Variants in FRMD4A observed in about 807,000 individuals in gnomAD.
FRMD4A encodes the protein FERM domain containing 4A.
In FRMD4A, 29 loss-of-function variants were observed where a neutral mutation model predicts 129.1. The observed-to-expected ratio is 0.22, with a 90% confidence interval of 0.17 to 0.31. The LOEUF (loss-of-function observed/expected upper bound fraction) is 0.31, where lower values mean the gene tolerates loss of function less well. FRMD4A is among the 10% of genes least tolerant of loss of function. FRMD4A has a pLI of 1.00. For synonymous variants in FRMD4A, 634 were observed against 571.6 expected (o/e 1.11, Z -1.56); for missense variants, 1,272 against 1,375.8 (o/e 0.92, Z 1.19).
At chr10:14,325,108 C>T (rs889328095) in intron 2 of FRMD4A, among the ~76,000 whole-genome samples, 9 of 152,194 alleles carry the variant, frequency 5.9e-5, no homozygotes, top group East Asian at 1.9e-4. Context: ...CATCTGCAAA[C>T]GCACTTTGAA....
intron 2 of FRMD4A, among the ~76,000 whole-genome samples, chr10:14,077,066 G>A (rs896604422): frequency 6.6e-6 from 1 of 152,150 alleles, no homozygotes; most frequent in Non-Finnish European, 1.5e-5. Context: ...GGCCAAGGAG[G>A]ACTTTGCGTT....
chr10:13,788,710 T>C (rs1420802738), intron 5 of FRMD4A, among the ~76,000 whole-genome samples: 1 of 152,248 alleles, frequency 6.6e-6, no homozygotes, highest in East Asian at 1.9e-4. Flanking sequence ...CTAGCTCAGA[T>C]GATCCCGACC....
intron 12 of FRMD4A, among the ~76,000 whole-genome samples, chr10:13,724,738 G>A (rs181419561): frequency 6.6e-6 from 1 of 152,154 alleles, no homozygotes; most frequent in African/African-American, 2.4e-5. Flanking sequence ...ACCAAGTGTT[G>A]TGTTTGACCC....
At chr10:14,103,108 G>T (rs1470178818) in intron 2 of FRMD4A, among the ~76,000 whole-genome samples, 2 of 152,168 alleles carry the variant, frequency 1.3e-5, no homozygotes, top group African/African-American at 4.8e-5. Flanking sequence ...CATAACAGAA[G>T]CCTCTCCGTC....
At chr10:13,714,749 C>T (rs967668906) in intron 12 of FRMD4A, among the ~76,000 whole-genome samples, 3 of 152,224 alleles carry the variant, frequency 2.0e-5, no homozygotes, top group Admixed American at 6.5e-5. Flanking sequence ...ATAGAAGTGC[C>T]GCACTGCAGG....
chr10:13,652,018 TTACAGAGAGACACTG>T (rs1394130325), intron 23 of FRMD4A, 44 bp from the exon 24 acceptor site: 1 of 1,028,856 alleles, frequency 9.7e-7, no homozygotes, highest in Non-Finnish European at 1.6e-6. Context: ...AGAGGTCATG[TTACAGAGAGACACTG>T]ACACAGACAC....
intron 2 of FRMD4A, among the ~76,000 whole-genome samples, chr10:14,038,584 G>T (rs1326670548): frequency 6.6e-6 from 1 of 152,158 alleles, no homozygotes; most frequent in Non-Finnish European, 1.5e-5. Context: ...CACCTGATCA[G>T]ATGTCGACTG....
intron 2 of FRMD4A, among the ~76,000 whole-genome samples, chr10:14,120,014 T>C (rs936940102): frequency 1.5e-4 from 21 of 141,650 alleles, no homozygotes; most frequent in Middle Eastern, 3.3e-3. Context: ...TTTTTTTTTT[T>C]CCTGGGCAAC....
intron 2 of FRMD4A, among the ~76,000 whole-genome samples, chr10:14,323,988 C>G (rs1485120347): frequency 6.6e-6 from 1 of 152,154 alleles, no homozygotes; most frequent in Non-Finnish European, 1.5e-5. Context: ...GCCAGAGAAA[C>G]AGGGTTCAGA....
intron 12 of FRMD4A, among the ~76,000 whole-genome samples, chr10:13,728,476 T>C (rs1484927320): frequency 6.6e-6 from 1 of 151,766 alleles, no homozygotes; most frequent in Non-Finnish European, 1.5e-5. Flanking sequence ...CCCCCATGAA[T>C]ACTCATATGG....
chr10:14,185,889 C>T lies in FRMD4A; in HGVS notation c.45+144169G>A, dbSNP rs1433090790. Among the ~76,000 whole-genome samples, 3 of 152,116 alleles carry T rather than the reference C, an allele frequency of 2.0e-5. No individual in the cohort carries two copies. In the East Asian group the frequency reaches 5.8e-4, roughly 29 times the overall value. On this transcript the variant is annotated intron_variant, in intron 2 of 24. Transcript: ENST00000357447. ...TTAGAGTGAGATAAAGTGGTAACAG[C>T]AACAGGGCAGAGAGAGACTGGGCAG...
chr10:14,274,909 A>G (rs1405742515), intron 2 of FRMD4A, among the ~76,000 whole-genome samples: 1 of 152,288 alleles, frequency 6.6e-6, no homozygotes, highest in East Asian at 1.9e-4. Context: ...TCGGTTTGGC[A>G]TCTGAATTCT....
chr10:14,273,775 A>G (rs940125168), intron 2 of FRMD4A, among the ~76,000 whole-genome samples: 1 of 152,064 alleles, frequency 6.6e-6, no homozygotes. Context: ...GGAGAGGAGG[A>G]CTTTGGGTCC....
intron 2 of FRMD4A, among the ~76,000 whole-genome samples, chr10:14,117,930 G>A (rs1039954776): frequency 6.6e-6 from 1 of 152,116 alleles, no homozygotes; most frequent in African/African-American, 2.4e-5. Flanking sequence ...TCCCTAGAAA[G>A]TACCCTCGTG....
At chr10:14,129,559 G>A (rs1242881213) in intron 2 of FRMD4A, among the ~76,000 whole-genome samples, 1 of 151,814 alleles carries the variant, frequency 6.6e-6, no homozygotes, top group Non-Finnish European at 1.5e-5. Context: ...CCTCCAGGTG[G>A]CTCATCTGCT....
intron 13 of FRMD4A, among the ~76,000 whole-genome samples, chr10:13,703,107 C>A (rs1032378106): frequency 1.3e-5 from 2 of 151,530 alleles, no homozygotes; most frequent in Non-Finnish European, 2.9e-5. Context: ...ACTTTTTTTT[C>A]CCCCCAGAAA....
At chr10:13,913,627 A>G (rs1485802857) in intron 2 of FRMD4A, among the ~76,000 whole-genome samples, 2 of 152,074 alleles carry the variant, frequency 1.3e-5, no homozygotes, top group African/African-American at 4.8e-5. Flanking sequence ...TCATATGACA[A>G]ACATCTACTG....
chr10:14,008,592 C>T, intron 2 of FRMD4A: 7 of 787,674 alleles, frequency 8.9e-6, no homozygotes, highest in Non-Finnish European at 9.2e-6. Flanking sequence ...CATTCCATCA[C>T]GTGACTCCCA....
intron 6 of FRMD4A, among the ~76,000 whole-genome samples, chr10:13,765,181 C>A (rs1406666784): frequency 7.5e-6 from 1 of 132,976 alleles, no homozygotes; most frequent in African/African-American, 2.8e-5. Context: ...ATGGTGCGAT[C>A]TCGGCTCACT....
Sources: gnomAD v4.1 joint callset for allele counts (sites outside exome capture counted in the v4.1 genomes callset) on GRCh38, gnomAD v4.1.1 for gene constraint, MANE v1.5 for transcripts, NCBI Gene and HGNC (gene_info 2026-07-23, HGNC 2026-07-21) for gene names.